The following NKAIN2 variants were observed in gnomAD, a reference collection of about 807,000 sequenced individuals.
NKAIN2 encodes sodium/potassium transporting ATPase interacting 2.
Under a neutral mutation model 32.6 loss-of-function variants are expected in NKAIN2, and 14 were observed. The observed-to-expected ratio is 0.43, with a 90% CI of 0.28 to 0.67. The LOEUF is 0.67. Ranked by LOEUF, NKAIN2 falls within the 30% of genes least tolerant of loss-of-function variation. The pLI is 0.17. For synonymous variants in NKAIN2, 80 were observed against 87.2 expected, an observed-to-expected ratio of 0.92 and a Z score of 0.46; for missense variants, 198 against 258.3, an observed-to-expected ratio of 0.77 and a Z score of 1.60.
chr6:123,942,911 T>C (rs964715845), intron 1 of NKAIN2, among the ~76,000 whole-genome samples: 1 of 152,030 alleles, frequency 6.6e-6, no homozygotes, highest in South Asian at 2.1e-4. Context: ...GATACAATAA[T>C]TGAGTCAAGT....
chr6:124,787,647 G>C (rs1284846402), intron 4 of NKAIN2, among the ~76,000 whole-genome samples: 1 of 152,114 alleles, frequency 6.6e-6, no homozygotes, highest in Non-Finnish European at 1.5e-5. Flanking sequence ...GATGAGGCTA[G>C]AAAGGAAGAC....
chr6:124,215,883 T>G (rs1264356666), intron 1 of NKAIN2, among the ~76,000 whole-genome samples: 3 of 152,072 alleles, frequency 2.0e-5, no homozygotes, highest in Non-Finnish European at 2.9e-5. Flanking sequence ...TTTGGGAGAC[T>G]GAGGCGGGTG....
At chr6:124,479,255 C>A (rs1777352712) in intron 3 of NKAIN2, among the ~76,000 whole-genome samples, 1 of 152,010 alleles carries the variant, frequency 6.6e-6, no homozygotes, top group Non-Finnish European at 1.5e-5. Context: ...ATAAAATATG[C>A]CCTTTAATTA....
At chr6:124,678,085 C>A (rs558784314) in intron 4 of NKAIN2, among the ~76,000 whole-genome samples, 1 of 152,174 alleles carries the variant, frequency 6.6e-6, no homozygotes, top group East Asian at 1.9e-4. Context: ...CACTTACAGT[C>A]TTATAGAAAC....
intron 5 of NKAIN2, among the ~76,000 whole-genome samples, chr6:124,797,750 C>T (rs1780064941): frequency 6.6e-6 from 1 of 152,062 alleles, no homozygotes; most frequent in South Asian, 2.1e-4. Context: ...TTGTCAGGAT[C>T]ATTGGATTTG....
intron 6 of NKAIN2, among the ~76,000 whole-genome samples, chr6:124,821,476 T>C (rs538613459): frequency 2.0e-4 from 30 of 152,122 alleles, no homozygotes; most frequent in Non-Finnish European, 3.7e-4. Flanking sequence ...TTATATACAA[T>C]TTAATATATT....
At position 124,613,600 on chromosome 6, in the gene NKAIN2, G is replaced by A. The variant is rs538824886; in HGVS notation, c.274-44586G>A. Among the ~76,000 whole-genome samples, 105 of 152,050 alleles carry A rather than the reference G, an allele frequency of 6.9e-4. 1 individual carries two copies. The highest frequency in any genetic ancestry group is 2.0e-3 in the Admixed American group (30 of 15,260). On this transcript the variant is annotated intron_variant, in intron 3 of 6. Transcript: ENST00000368417. Reference sequence around the variant, plus strand: ...ATTTAGAACATAAATCAGCACTTAGGGCAGGAAAAAGCCATGGATGCCAAG... The same window carrying A: ...ATTTAGAACATAAATCAGCACTTAGAGCAGGAAAAAGCCATGGATGCCAAG...
intron 1 of NKAIN2, among the ~76,000 whole-genome samples, chr6:124,025,634 G>A (rs1781074774): frequency 6.6e-6 from 1 of 152,134 alleles, no homozygotes; most frequent in Non-Finnish European, 1.5e-5. Context: ...GATGACTGTA[G>A]TTAATAATAG....
intron 1 of NKAIN2, among the ~76,000 whole-genome samples, chr6:123,958,795 A>G (rs548152918): frequency 6.6e-6 from 1 of 152,238 alleles, no homozygotes; most frequent in Non-Finnish European, 1.5e-5. Flanking sequence ...AGAGCTTACA[A>G]CAGTAATCAG....
chr6:124,295,542 TGAG>T (rs1266809498), intron 2 of NKAIN2, among the ~76,000 whole-genome samples: 3 of 152,090 alleles, frequency 2.0e-5, no homozygotes, highest in Non-Finnish European at 2.9e-5. Context: ...CTGGCTGCTG[TGAG>T]GAGAAGAAAC....
chr6:124,806,239 G>A (rs1780549730), intron 5 of NKAIN2, among the ~76,000 whole-genome samples: 3 of 152,126 alleles, frequency 2.0e-5, no homozygotes, highest in Admixed American at 2.0e-4. Flanking sequence ...CAGCCAGAGA[G>A]AAAGATCGGG....
intron 5 of NKAIN2, among the ~76,000 whole-genome samples, chr6:124,814,921 A>T (rs1000816565): frequency 6.6e-6 from 1 of 152,018 alleles, no homozygotes; most frequent in Non-Finnish European, 1.5e-5. Context: ...CTCAATAATA[A>T]TAACAACAGC....
chr6:123,995,281 G>T (rs1311077591), intron 1 of NKAIN2, among the ~76,000 whole-genome samples: 1 of 152,152 alleles, frequency 6.6e-6, no homozygotes, highest in Non-Finnish European at 1.5e-5. Context: ...TGACAAGGCA[G>T]TTCTAGGAAA....
intron 3 of NKAIN2, among the ~76,000 whole-genome samples, chr6:124,366,617 G>T (rs1799527934): frequency 6.6e-6 from 1 of 152,060 alleles, no homozygotes; most frequent in African/African-American, 2.4e-5. Context: ...GGATACGTGT[G>T]ATTGTCAAAT....
chr6:124,535,408 A>G (rs1779678719), intron 3 of NKAIN2, among the ~76,000 whole-genome samples: 2 of 152,250 alleles, frequency 1.3e-5, no homozygotes, highest in Non-Finnish European at 2.9e-5. Context: ...TCAAATCAGT[A>G]GTTTTCTTTT....
At chr6:123,926,468 AT>A (rs1776008651) in intron 1 of NKAIN2, among the ~76,000 whole-genome samples, 12 of 151,584 alleles carry the variant, frequency 7.9e-5, no homozygotes, top group Admixed American at 5.9e-4. Flanking sequence ...CGTTCCCCAG[AT>A]TGCTGCTGCA....
intron 1 of NKAIN2, among the ~76,000 whole-genome samples, chr6:123,812,943 A>G (rs1318236457): frequency 6.6e-6 from 1 of 152,364 alleles, no homozygotes; most frequent in Non-Finnish European, 1.5e-5. Context: ...ACACAACAGA[A>G]TAAGGAGATA....
chr6:124,407,957 C>G (rs1242364337), intron 3 of NKAIN2, among the ~76,000 whole-genome samples: 1 of 151,776 alleles, frequency 6.6e-6, no homozygotes, highest in Non-Finnish European at 1.5e-5. Context: ...TGATGATGAG[C>G]ATTTTTTCAT....
At chr6:124,057,777 G>A (rs564437231) in intron 1 of NKAIN2, among the ~76,000 whole-genome samples, 8 of 151,816 alleles carry the variant, frequency 5.3e-5, no homozygotes, top group African/African-American at 1.9e-4. Flanking sequence ...AGTGTTCCAG[G>A]ACTTCATTTG....
Sources: gnomAD v4.1 joint callset for allele counts (sites outside exome capture counted in the v4.1 genomes callset) on GRCh38, gnomAD v4.1.1 for gene constraint, MANE v1.5 for transcripts, NCBI Gene and HGNC (gene_info 2026-07-23, HGNC 2026-07-21) for gene names.